Variants in CHD9 observed in about 807,000 individuals in gnomAD.
CHD9 encodes ATP-dependent chromatin remodeler CHD9.
A neutral mutation model predicts 316.1 loss-of-function variants in CHD9; 77 were observed. That is an observed-to-expected ratio of 0.24 (90% confidence interval 0.20 to 0.29). The LOEUF (loss-of-function observed/expected upper bound fraction) is 0.29. Ranked by LOEUF, CHD9 falls within the 10% of genes least tolerant of loss-of-function variation. The pLI is 1.00. For synonymous variants in CHD9, 1,129 were observed against 1,158.3 expected (o/e 0.97, Z 0.51); for missense variants, 2,763 against 3,438.1 (o/e 0.80, Z 4.91).
chr16:53,213,825 T>A (rs2046523599), intron 3 of CHD9, among the ~76,000 whole-genome samples: 1 of 152,214 alleles, frequency 6.6e-6, no homozygotes, highest in African/African-American at 2.4e-5. Flanking sequence ...AGTAGAATGC[T>A]TTTGGTTACT....
intron 1 of CHD9, chr16:53,131,401 C>G (rs1167338393): frequency 2.0e-5 from 2 of 100,934 alleles, no homozygotes; most frequent in Non-Finnish European, 4.0e-5. Flanking sequence ...GTGAGGGATC[C>G]GGTCCCGGGG....
intron 1 of CHD9, among the ~76,000 whole-genome samples, chr16:53,108,335 CTACAAAAAA>C (rs139409722): frequency 0.28 from 42,187 of 151,314 alleles, 7,029 homozygotes; most frequent in Non-Finnish European, 0.38. Flanking sequence ...AACCCCATCT[CTACAAAAAA>C]TACAAAAAAA....
chr16:53,289,748 C>T (rs2054175916), intron 27 of CHD9, among the ~76,000 whole-genome samples: 1 of 152,158 alleles, frequency 6.6e-6, no homozygotes, highest in Non-Finnish European at 1.5e-5. Flanking sequence ...AAGGAAGAGT[C>T]CCATCCCTAT....
At chr16:53,321,152 C>T (rs1234064107) in intron 37 of CHD9, 2 of 1,049,116 alleles carry the variant, frequency 1.9e-6, no homozygotes, top group Non-Finnish European at 2.6e-6. Context: ...ATTGTTATCC[C>T]CATTTTACAG....
At chr16:53,175,464 A>G (rs1203746621) in intron 2 of CHD9, among the ~76,000 whole-genome samples, 1 of 152,186 alleles carries the variant, frequency 6.6e-6, no homozygotes, top group East Asian at 1.9e-4. Context: ...ATTGTTTCAT[A>G]TATTTTGCCT....
chr16:53,180,068 C>A (rs1465936041), intron 2 of CHD9, among the ~76,000 whole-genome samples: 1 of 146,456 alleles, frequency 6.8e-6, no homozygotes, highest in African/African-American at 2.5e-5. Flanking sequence ...GCTCTGTCAC[C>A]CAGGCTGGAG....
At chr16:53,127,791 C>T (rs909789325) in intron 1 of CHD9, among the ~76,000 whole-genome samples, 1 of 151,874 alleles carries the variant, frequency 6.6e-6, no homozygotes, top group African/African-American at 2.4e-5. Context: ...TGTAGTGGTG[C>T]AGGCCTGTAA....
intron 2 of CHD9, among the ~76,000 whole-genome samples, chr16:53,205,146 T>C (rs1453696515): frequency 6.6e-6 from 1 of 152,208 alleles, no homozygotes; most frequent in Non-Finnish European, 1.5e-5. Context: ...CGACCTATTA[T>C]TTTAATCATA....
chr16:53,177,157 T>C (rs2043151822), intron 2 of CHD9, among the ~76,000 whole-genome samples: 2 of 152,124 alleles, frequency 1.3e-5, no homozygotes, highest in South Asian at 2.1e-4. Flanking sequence ...GATTTCACCA[T>C]GTTGTCTAGG....
At chr16:53,149,094 T>C (rs1203420654) in intron 1 of CHD9, among the ~76,000 whole-genome samples, 1 of 152,250 alleles carries the variant, frequency 6.6e-6, no homozygotes. Context: ...GATATTTAGG[T>C]TTATTCCATT....
At position 53,268,047 on chromosome 16, in the gene CHD9, T is replaced by C. The variant is rs1421896773; in HGVS notation, c.4638T>C (p.Asp1546=). 1 of 1,613,360 alleles carries C rather than the reference T, an allele frequency of 6.2e-7. No individual in the cohort carries two copies. The highest frequency in any genetic ancestry group is 1.3e-5 in the African/African-American group (1 of 74,874). Residue 1546 remains aspartate (D), a synonymous_variant, in exon 22 of 39, where the codon GAT becomes GAC. Coordinates refer to ENST00000447540, the MANE Select transcript of CHD9 (RefSeq NM_001308319.2). ...ATTGCCTTGTTCACTACCGAGGAGA[T>C]GAGAAGATTAAAGGTTTCATATGGG... is the stretch of plus-strand genomic sequence containing the variant. ...LAYCLVHYRG[D]EKIKGFIWDL...
chr16:53,104,892 T>G (rs181258132), intron 1 of CHD9, among the ~76,000 whole-genome samples: 5 of 152,196 alleles, frequency 3.3e-5, no homozygotes, highest in Admixed American at 1.3e-4. Flanking sequence ...AAAAATCATT[T>G]AATGTAATTT....
intron 1 of CHD9, among the ~76,000 whole-genome samples, chr16:53,083,604 G>C (rs1299430797): frequency 6.6e-6 from 1 of 152,086 alleles, no homozygotes; most frequent in South Asian, 2.1e-4. Context: ...CCCACTCTTT[G>C]GAGTCCTGCC....
At chr16:53,302,422 C>A (rs1597913052) in intron 30 of CHD9, among the ~76,000 whole-genome samples, 2 of 152,142 alleles carry the variant, frequency 1.3e-5, no homozygotes, top group African/African-American at 4.8e-5. Context: ...GATGTGTTCT[C>A]AGAATGTAAT....
chr16:53,229,124 A>G, intron 8 of CHD9, 24 bp downstream of exon 8: 4 of 1,248,818 alleles, frequency 3.2e-6, no homozygotes, highest in Non-Finnish European at 4.6e-6. Context: ...AAATAAGACT[A>G]TTATGTGTTG....
chr16:53,238,703 T>C, intron 12 of CHD9, 117 bp downstream of exon 12: 1 of 987,680 alleles, frequency 1.0e-6, no homozygotes, highest in Non-Finnish European at 1.5e-6. Flanking sequence ...TAGATCTTAG[T>C]TTAAGTTCTT....
intron 3 of CHD9, among the ~76,000 whole-genome samples, chr16:53,221,327 G>T (rs113544598): frequency 1.3e-5 from 2 of 152,078 alleles, no homozygotes; most frequent in Non-Finnish European, 2.9e-5. Flanking sequence ...GTGGAGTCAG[G>T]GTTTAAATCT....
chr16:53,150,512 C>T (rs192868130), intron 1 of CHD9, among the ~76,000 whole-genome samples: 5 of 152,240 alleles, frequency 3.3e-5, no homozygotes, highest in Admixed American at 1.3e-4. Context: ...AAAGGCATTA[C>T]ATACCAAAGG....
intron 1 of CHD9, among the ~76,000 whole-genome samples, chr16:53,132,625 C>G (rs768200944): frequency 3.3e-5 from 5 of 152,042 alleles, no homozygotes; most frequent in Non-Finnish European, 5.9e-5. Context: ...TGTTTCTTTT[C>G]CCTTGGGTTT....
Sources: allele counts gnomAD v4.1 joint callset (sites outside exome capture counted in the v4.1 genomes callset), GRCh38; gene constraint gnomAD v4.1.1; transcripts MANE v1.5; gene names NCBI Gene and HGNC (gene_info 2026-07-23, HGNC 2026-07-21).